Variants in SYNE1 observed in about 807,000 individuals in gnomAD.
The protein encoded by SYNE1 is nesprin-1.
Under a neutral mutation model 1,111.0 loss-of-function variants are expected in SYNE1, and 616 were observed. That is an observed-to-expected ratio of 0.55 (90% CI 0.52 to 0.59). The LOEUF is 0.59. SYNE1 is among the 20% of genes least tolerant of loss of function. The probability of loss-of-function intolerance (pLI) is 0.00; values close to 1 mark genes in which losing one functional copy is unlikely to be tolerated. For missense variants in SYNE1, 10,006 were observed against 10,417.0 expected (o/e 0.96, Z 1.72); for synonymous variants, 3,855 against 3,825.8 (o/e 1.01, Z -0.28).
At chr6:152,321,185 G>T in intron 84 of SYNE1, 53 bp downstream of exon 84, 2 of 1,601,748 alleles carry the variant, frequency 1.2e-6, no homozygotes, top group South Asian at 2.2e-5. Flanking sequence ...CACACAAGAG[G>T]ACTGACCCTA....
chr6:152,247,878 AC>A (rs2087868752), intron 105 of SYNE1, among the ~76,000 whole-genome samples: 2 of 151,476 alleles, frequency 1.3e-5, no homozygotes, highest in Non-Finnish European at 2.9e-5. Flanking sequence ...ACACACACAC[AC>A]ACACACACAC....
intron 135 of SYNE1, among the ~76,000 whole-genome samples, chr6:152,150,160 T>C (rs994374815): frequency 4.6e-5 from 7 of 152,240 alleles, no homozygotes; most frequent in Non-Finnish European, 7.3e-5. Flanking sequence ...TCTTTTATTA[T>C]TTCAGAACAT....
At chr6:152,435,905 T>C (rs1410082232) in intron 33 of SYNE1, 36 bp downstream of exon 33, 2 of 1,611,212 alleles carry the variant, frequency 1.2e-6, no homozygotes, top group Non-Finnish European at 1.7e-6. Flanking sequence ...AAACTTTATC[T>C]CAGAGAAGAA....
rs182852327 is a variant in SYNE1 at position 152,220,832 on chromosome 6, C to T, written c.21861+10G>A. ...GCATGTGGGGAAAACAAGGTAGCTC[C>T]TGAACATACGTTGCAATCTTGAATC... On this transcript the variant is annotated intron_variant, in intron 119 of 145. Coordinates refer to ENST00000367255, the MANE Select transcript of SYNE1 (RefSeq NM_182961.4). 1.2e-6 allele frequency: 2 copies of T among 1,612,802 alleles called. No homozygotes were observed. Among genetic ancestry groups the T allele is most frequent in the African/African-American group, 2.7e-5 (2 of 75,018 alleles).
At chr6:152,505,137 T>C (rs1350601948) in intron 9 of SYNE1, 64 bp downstream of exon 9, 1 of 1,558,708 alleles carries the variant, frequency 6.4e-7, no homozygotes, top group African/African-American at 1.4e-5. Context: ...TGTGTATTTC[T>C]GGGTTTAAGA....
In SYNE1 at chr6:152,224,590, T is replaced by C. The variant is rs775691059; in HGVS notation, c.21426A>G (p.Ile7142Met). The C allele has an allele frequency of 6.2e-7, 1 of 1,614,042 alleles. No individual in the cohort carries two copies. Among genetic ancestry groups the C allele is most frequent in the Non-Finnish European group, 8.5e-7 (1 of 1,179,960 alleles). The change falls in exon 117 of 146, where the codon ATA (isoleucine) becomes ATG (methionine). Residue 7142 changes from isoleucine (I) to methionine (M), a missense_variant. Physicochemically the swap from Ile to Met is conservative, Grantham distance 10 (BLOSUM62 1). Coordinates refer to ENST00000367255, the MANE Select transcript of SYNE1 (RefSeq NM_182961.4). The part of the protein sequence containing the change: ...WSSHKVAFDK[I>M]NSYLMEARYS... ...ATCTGGCCTCCATGAGGTAACTGTT[T>C]ATCTTGTCAAAGGCCACTTTGTGAC... is the stretch of plus-strand genomic sequence containing the variant.
In SYNE1 at chr6:152,449,564, G is replaced by A. The variant is rs746060505; in HGVS notation, c.3473C>T (p.Ala1158Val). 6.1e-5 allele frequency: 98 copies of A among 1,613,882 alleles called. 1 individual carries two copies. The Admixed American group carries it at 1.6e-3, about 26-fold the overall frequency. The change falls in exon 28 of 146, where the codon GCC (alanine) becomes GTC (valine). Residue 1158 changes from alanine to valine, a missense_variant. By Grantham distance (64) the Ala-to-Val change is moderately conservative. Transcript: ENST00000367255. ...KGIKGEAIDTANHGEVKRAVE... is the reference protein window; with the variant it reads ...KGIKGEAIDTVNHGEVKRAVE... ...GGCACGTTTAACCTCTCCGTGGTTG[G>A]CAGTATCGATGGCCTCACCCTTGAT...
chr6:152,367,388 A>T lies in SYNE1; in HGVS notation c.9808-6T>A. 6.2e-7 allele frequency: 1 copy of T among 1,613,868 alleles called. No homozygotes were observed. Among genetic ancestry groups the T allele is most frequent in the Non-Finnish European group, 8.5e-7 (1 of 1,180,044 alleles). ...TCCAGTCTTGACACTTTCTCCTGGA[A>T]ATGACAGAAATGGTTTTCGAGCTGT... On this transcript the variant is annotated splice_polypyrimidine_tract_variant and splice_region_variant and intron_variant, in intron 61 of 145. Coordinates refer to ENST00000367255, the MANE Select transcript of SYNE1 (RefSeq NM_182961.4).
intron 2 of SYNE1, among the ~76,000 whole-genome samples, chr6:152,629,602 T>C (rs1249815283): frequency 6.7e-6 from 1 of 149,614 alleles, no homozygotes; most frequent in Non-Finnish European, 1.5e-5. Context: ...CGTTGAAATC[T>C]TGATATTGCA....
At chr6:152,394,650 A>G (rs969580376) in intron 51 of SYNE1, among the ~76,000 whole-genome samples, 1 of 152,192 alleles carries the variant, frequency 6.6e-6, no homozygotes, top group East Asian at 1.9e-4. Flanking sequence ...AGGGACCACA[A>G]AGAAAGTCAG....
At chr6:152,179,673 CTTTTTTTTTTTTTTT>C (rs796260764) in intron 129 of SYNE1, among the ~76,000 whole-genome samples, 5 of 55,068 alleles carry the variant, frequency 9.1e-5, no homozygotes, top group South Asian at 7.5e-4. Flanking sequence ...GCTGGATATC[CTTTTTTTTTTTTTTT>C]TTTTTTTTTT....
chr6:152,162,355 C>T (rs2062691596), intron 131 of SYNE1, among the ~76,000 whole-genome samples: 1 of 152,188 alleles, frequency 6.6e-6, no homozygotes, highest in South Asian at 2.1e-4. Flanking sequence ...CTCTCCTGTT[C>T]TCTTTGCCAT....
Position 152,409,544 on chromosome 6 carries a change from C to T in SYNE1, c.6381+15G>A, listed in dbSNP as rs1316706320. 6 of 1,612,816 alleles carry T rather than the reference C, an allele frequency of 3.7e-6. No individual in the cohort carries two copies. In the South Asian group the frequency reaches 6.6e-5, roughly 18 times the overall value. On this transcript the variant is annotated intron_variant, in intron 43 of 145. Transcript: ENST00000367255. ...CTAAAGCAGAATACCAACATAAACA[C>T]ATTTTGAATTTTACCTTGGAAAAAG...
intron 104 of SYNE1, among the ~76,000 whole-genome samples, chr6:152,252,329 G>A (rs1412938147): frequency 1.3e-5 from 2 of 151,816 alleles, no homozygotes; most frequent in Admixed American, 1.3e-4. Context: ...AATCAGTTGT[G>A]CTGCCTCACT....
At chr6:152,235,875 G>A (rs1362368705) in intron 110 of SYNE1, among the ~76,000 whole-genome samples, 1 of 152,052 alleles carries the variant, frequency 6.6e-6, no homozygotes, top group Non-Finnish European at 1.5e-5. Flanking sequence ...TCCAATAGCA[G>A]GGACCACAGG....
intron 102 of SYNE1, 97 bp downstream of exon 102, chr6:152,256,537 G>A: frequency 6.5e-7 from 1 of 1,528,932 alleles, no homozygotes; most frequent in Non-Finnish European, 8.9e-7. Context: ...TCATGCTCAG[G>A]GGTGGATGCA....
In SYNE1 at chr6:152,151,408, A is replaced by G. The variant is rs2060398068; in HGVS notation, c.24450+145T>C. 4.3e-6 allele frequency: 4 copies of G among 940,554 alleles called. No homozygotes were observed. The East Asian group carries it at 1.0e-4, about 24-fold the overall frequency. 58.3% of individuals were successfully genotyped at this position (940,554 alleles called of 1,614,324 possible). The stretch of plus-strand genomic sequence containing the variant: ...TAGTGCTCTTTATCTGATTTTTTAT[A>G]TATTTTACATTTTCTGAATTTTTTT... On this transcript the variant is annotated intron_variant, in intron 135 of 145. Transcript: ENST00000367255.
Position 152,400,980 on chromosome 6 carries a change from G to T in SYNE1, c.7029+158C>A, listed in dbSNP as rs145115656. Among the ~76,000 whole-genome samples, 1,443 of 152,278 alleles carry T rather than the reference G, an allele frequency of 9.5e-3. 13 individuals carry two copies. The highest frequency in any genetic ancestry group is 0.014 in the Admixed American group (216 of 15,288). On this transcript the variant is annotated intron_variant, in intron 47 of 145. Coordinates refer to ENST00000367255, the MANE Select transcript of SYNE1 (RefSeq NM_182961.4). Reference sequence around the variant, plus strand: ...TGAACACCTGCACCCAGTTCTTCACGTGTTGCTTACTTTGCTGTGTTCAAT... The same window carrying T: ...TGAACACCTGCACCCAGTTCTTCACTTGTTGCTTACTTTGCTGTGTTCAAT...
intron 3 of SYNE1, among the ~76,000 whole-genome samples, chr6:152,559,568 A>C (rs1329430507): frequency 2.0e-5 from 3 of 152,224 alleles, no homozygotes; most frequent in African/African-American, 7.2e-5. Flanking sequence ...GGGAAACCAA[A>C]AAATATCTTG....
Sources: gnomAD v4.1 joint callset for allele counts (sites outside exome capture counted in the v4.1 genomes callset) on GRCh38, gnomAD v4.1.1 for gene constraint, MANE v1.5 for transcripts, NCBI Gene and HGNC (gene_info 2026-07-23, HGNC 2026-07-21) for gene names.